The following SFI1 variants were observed in gnomAD, a reference collection of about 807,000 sequenced individuals.
The protein encoded by SFI1 is SFI1 centrin binding protein.
Under a neutral mutation model 207.5 loss-of-function variants are expected in SFI1, and 195 were observed. The ratio of observed to expected loss-of-function variants is 0.94; its 90% CI spans 0.84 to 1.06. The LOEUF is 1.06. Ranked by LOEUF, SFI1 falls within the 50% of genes least tolerant of loss-of-function variation. The probability of loss-of-function intolerance (pLI) is 0.00; values close to 1 mark genes in which losing one functional copy is unlikely to be tolerated. For synonymous variants in SFI1, 630 were observed against 598.9 expected, an observed-to-expected ratio of 1.05 and a Z score of -0.76; for missense variants, 1,634 against 1,588.0, an observed-to-expected ratio of 1.03 and a Z score of -0.49.
intron 2 of SFI1, among the ~76,000 whole-genome samples, chr22:31,508,678 G>A (rs5998019): frequency 2.8e-4 from 42 of 152,212 alleles, no homozygotes; most frequent in African/African-American, 9.2e-4. Flanking sequence ...GCTGGCTCTC[G>A]TGTCTTCTAC....
At chr22:31,567,717 T>A (rs1345152883) in intron 8 of SFI1, among the ~76,000 whole-genome samples, 3 of 152,212 alleles carry the variant, frequency 2.0e-5, no homozygotes. Flanking sequence ...CTTTGTTACA[T>A]AGTTTTAACT....
At chr22:31,567,918 G>T (rs2062491663) in intron 8 of SFI1, among the ~76,000 whole-genome samples, 2 of 152,064 alleles carry the variant, frequency 1.3e-5, no homozygotes, top group Non-Finnish European at 2.9e-5. Flanking sequence ...TTAAAAGGAC[G>T]TAATGAACTG....
intron 19 of SFI1, 67 bp from the exon 20 acceptor site, chr22:31,604,802 T>G (rs2068692245): frequency 1.4e-6 from 2 of 1,470,140 alleles, no homozygotes; most frequent in Non-Finnish European, 9.4e-7. Context: ...GATGCACCTC[T>G]GAGGCCTGCC....
rs536734869 is a variant in SFI1 at position 31,517,008 on chromosome 22, C to G, written c.92+8632C>G. Among the ~76,000 whole-genome samples the G allele has an allele frequency of 1.1e-3, 168 of 151,686 alleles. 4 individuals carry two copies. The highest frequency in any genetic ancestry group is 9.1e-3 in the Admixed American group (139 of 15,200). Reference sequence around the variant, plus strand: ...AATCAGCCAGATGTGGTGTCGCATGCCTATAATCCCAGCTACTTGGGAGGC... The same window carrying G: ...AATCAGCCAGATGTGGTGTCGCATGGCTATAATCCCAGCTACTTGGGAGGC... On this transcript the variant is annotated intron_variant, in intron 2 of 32. Coordinates refer to ENST00000400288, the MANE Select transcript of SFI1 (RefSeq NM_001007467.3).
chr22:31,612,596 C>T (rs2070538686), intron 24 of SFI1, among the ~76,000 whole-genome samples: 1 of 151,332 alleles, frequency 6.6e-6, no homozygotes, highest in Non-Finnish European at 1.5e-5. Flanking sequence ...GCAGTGCACA[C>T]CTGTGGTCCC....
intron 29 of SFI1, chr22:31,615,718 G>A (rs758443043): frequency 4.4e-4 from 71 of 161,498 alleles, no homozygotes; most frequent in African/African-American, 8.8e-4. Context: ...TGGGCTCAGC[G>A]GTTGCCACAG....
At chr22:31,556,843 G>A (rs1172231212) in intron 6 of SFI1, 99 bp from the exon 7 acceptor site, 1 of 729,380 alleles carries the variant, frequency 1.4e-6, no homozygotes, top group Non-Finnish European at 2.2e-6. Flanking sequence ...TAGGCTGGAG[G>A]GATTTAGGTA....
Position 31,500,210 on chromosome 22 carries a change from G to T in SFI1, c.-31+3573G>T, listed in dbSNP as rs1227658102. ...GGCACCTGTAATCCCCACTATTTGG[G>T]AGGCTGAGGCAGGAGAATCGCTTGA... is the stretch of plus-strand genomic sequence containing the variant. On this transcript the variant is annotated intron_variant, in intron 1 of 32. Transcript: ENST00000400288. Among the ~76,000 whole-genome samples the T allele has an allele frequency of 3.3e-5, 5 of 150,172 alleles. No homozygotes were observed. In the East Asian group the frequency reaches 9.8e-4, roughly 29 times the overall value.
intron 7 of SFI1, chr22:31,559,933 G>T: frequency 1.8e-6 from 1 of 569,256 alleles, no homozygotes; most frequent in Non-Finnish European, 3.2e-6. Flanking sequence ...GGTCCAAGAA[G>T]AAATAAGTCT....
Position 31,593,308 on chromosome 22 carries a change from C to T in SFI1, c.1544+3731C>T, listed in dbSNP as rs1179272560. Reference sequence around the variant, plus strand: ...GCGGCCGGGCAGAGACGCTCCTCACCTCCCAGACGGGGTCTCGGCCGGGCA... The same window carrying T: ...GCGGCCGGGCAGAGACGCTCCTCACTTCCCAGACGGGGTCTCGGCCGGGCA... On this transcript the variant is annotated intron_variant, in intron 15 of 32. Coordinates refer to ENST00000400288, the MANE Select transcript of SFI1 (RefSeq NM_001007467.3). Among the ~76,000 whole-genome samples, 29 of 133,768 alleles carry T rather than the reference C, an allele frequency of 2.2e-4. 1 individual carries two copies. The highest frequency in any genetic ancestry group is 8.2e-5 in the Non-Finnish European group (5 of 61,310). The allele number at this position is 133,768 out of a possible 152,430, so 87.8% of individuals were successfully genotyped here.
At chr22:31,561,446 T>A (rs2061690757) in intron 8 of SFI1, 54 bp downstream of exon 8, 2 of 1,499,626 alleles carry the variant, frequency 1.3e-6, no homozygotes, top group Admixed American at 3.7e-5. Context: ...GTCAAGCCTC[T>A]CACCCACAGA....
intron 7 of SFI1, among the ~76,000 whole-genome samples, chr22:31,558,624 C>T (rs1022921585): frequency 5.3e-5 from 8 of 151,760 alleles, no homozygotes; most frequent in Non-Finnish European, 1.0e-4. Flanking sequence ...ATTACAGGCG[C>T]CTGCCACCAT....
At chr22:31,547,555 C>A (rs2060205191) in intron 5 of SFI1, among the ~76,000 whole-genome samples, 1 of 151,980 alleles carries the variant, frequency 6.6e-6, no homozygotes, top group Non-Finnish European at 1.5e-5. Context: ...AGGTGATCCG[C>A]CTGCCTTGGC....
Position 31,611,183 on chromosome 22 carries a change from C to T in SFI1, c.2295C>T (p.Ser765=). The stretch of plus-strand genomic sequence containing the variant: ...GGTTTCAGCGCTGGTGGGACTGCAG[C>T]CGGAGGTCAGCCCAGCAGAGACTGC... ...RTWFQRWWDC[S]RRSAQQRLQL... is the part of the protein sequence containing the mutation. Residue 765 remains serine (S), a synonymous_variant, in exon 23 of 33, where the codon AGC becomes AGT. Coordinates refer to ENST00000400288, the MANE Select transcript of SFI1 (RefSeq NM_001007467.3). The T allele has an allele frequency of 1.2e-6, 2 of 1,614,114 alleles. No homozygotes were observed. The highest frequency in any genetic ancestry group is 1.7e-6 in the Non-Finnish European group (2 of 1,180,032).
intron 4 of SFI1, among the ~76,000 whole-genome samples, chr22:31,536,111 G>A (rs944370654): frequency 6.6e-6 from 1 of 151,684 alleles, no homozygotes; most frequent in South Asian, 2.1e-4. Context: ...TTTTCTACCC[G>A]TGGCTGTTTC....
In SFI1 at chr22:31,598,739, T is replaced by TTTTTTTTTTTTTTG. The variant is rs2067590115; in HGVS notation, c.1545-3473_1545-3472insTTTTTTTTTTTTTG. On this transcript the variant is annotated intron_variant, in intron 15 of 32. Coordinates refer to ENST00000400288, the MANE Select transcript of SFI1 (RefSeq NM_001007467.3). ...GCCTTTTTTTTTTTTTTTTTTTTTT[T>TTTTTTTTTTTTTTG]GATGAGCAGAAGTGTTTGAATTCTG... is the stretch of plus-strand genomic sequence containing the variant. Among the ~76,000 whole-genome samples the TTTTTTTTTTTTTTG allele has an allele frequency of 3.8e-5, 5 of 129,980 alleles. No homozygotes were observed. The East Asian group carries it at 1.1e-3, about 30-fold the overall frequency. The allele number at this position is 129,980 out of a possible 152,430, so 85.3% of individuals were successfully genotyped here.
intron 11 of SFI1, among the ~76,000 whole-genome samples, chr22:31,578,659 G>A (rs909417122): frequency 1.3e-5 from 2 of 152,208 alleles, no homozygotes; most frequent in African/African-American, 4.8e-5. Context: ...GTATGGAGCT[G>A]TAAAGGAACC....
intron 2 of SFI1, chr22:31,521,647 G>C (rs2057271705): frequency 6.6e-6 from 1 of 152,242 alleles, no homozygotes; most frequent in Non-Finnish European, 1.5e-5. Flanking sequence ...CAGACACACA[G>C]TGAGATCCTA....
intron 1 of SFI1, among the ~76,000 whole-genome samples, chr22:31,501,175 C>A (rs2053699403): frequency 7.2e-6 from 1 of 139,084 alleles, no homozygotes; most frequent in Admixed American, 7.3e-5. Flanking sequence ...GTAGACATAA[C>A]TTTTTTTTTT....
Sources: gnomAD v4.1 joint callset for allele counts (sites outside exome capture counted in the v4.1 genomes callset) on GRCh38, gnomAD v4.1.1 for gene constraint, MANE v1.5 for transcripts, NCBI Gene and HGNC (gene_info 2026-07-23, HGNC 2026-07-21) for gene names.